Variants in RALGPS2 observed in about 807,000 individuals in gnomAD.
RALGPS2 encodes the protein Ral GEF with PH domain and SH3 binding motif 2, also known as ras-specific guanine nucleotide-releasing factor RalGPS2.
In RALGPS2, 43 loss-of-function variants were observed where a neutral mutation model predicts 86.8. That is an observed-to-expected ratio of 0.50 (90% confidence interval 0.39 to 0.64). The LOEUF (loss-of-function observed/expected upper bound fraction) is 0.64. Ranked by LOEUF, RALGPS2 falls within the 30% of genes least tolerant of loss-of-function variation. The pLI, the probability that RALGPS2 is intolerant of heterozygous loss-of-function variation, is 0.00. For missense variants in RALGPS2, 536 were observed against 694.6 expected, an observed-to-expected ratio of 0.77 and a Z score of 2.57; for synonymous variants, 243 against 231.3, an observed-to-expected ratio of 1.05 and a Z score of -0.46.
At chr1:178,908,984 T>C (rs1379368763) in intron 19 of RALGPS2, among the ~76,000 whole-genome samples, 1 of 152,214 alleles carries the variant, frequency 6.6e-6, no homozygotes, top group African/African-American at 2.4e-5. Context: ...TGCCAGGGCC[T>C]GTGTCCAGAA....
chr1:178,768,711 AGGTCCACCTACG>A (rs1652635123), intron 1 of RALGPS2, among the ~76,000 whole-genome samples: 1 of 152,206 alleles, frequency 6.6e-6, no homozygotes, highest in South Asian at 2.1e-4. Context: ...TGGACCAAGC[AGGTCCACCTACG>A]GGTCCCCCAG....
At chr1:178,763,374 T>C (rs1402475604) in intron 1 of RALGPS2, among the ~76,000 whole-genome samples, 1 of 152,236 alleles carries the variant, frequency 6.6e-6, no homozygotes, top group Non-Finnish European at 1.5e-5. Flanking sequence ...TTTCTAATCC[T>C]GTGAAGAATG....
At chr1:178,886,209 C>A in intron 13 of RALGPS2, 89 bp downstream of exon 13, 1 of 1,363,888 alleles carries the variant, frequency 7.3e-7, no homozygotes, top group Non-Finnish European at 1.0e-6. Context: ...CACCCACACA[C>A]AGAGAAAATT....
intron 8 of RALGPS2, chr1:178,853,309 G>A: frequency 1.3e-6 from 1 of 770,204 alleles, no homozygotes. Flanking sequence ...CATCTAAAGA[G>A]CCCAACATTT....
At chr1:178,847,166 C>T (rs918865624) in intron 8 of RALGPS2, among the ~76,000 whole-genome samples, 1 of 152,186 alleles carries the variant, frequency 6.6e-6, no homozygotes, top group African/African-American at 2.4e-5. Flanking sequence ...TAAAAAGTGG[C>T]CGGGCATGGT....
intron 8 of RALGPS2, chr1:178,853,031 T>TG: frequency 6.6e-7 from 1 of 1,510,254 alleles, no homozygotes. Flanking sequence ...GTGTTAAACA[T>TG]TCGATAGCAT....
intron 1 of RALGPS2, among the ~76,000 whole-genome samples, chr1:178,771,719 A>G (rs558441258): frequency 6.6e-6 from 1 of 152,330 alleles, no homozygotes; most frequent in Admixed American, 6.5e-5. Context: ...ACCTAGCGAT[A>G]ACCACATTTT....
chr1:178,776,421 C>A (rs1653087182), intron 1 of RALGPS2, among the ~76,000 whole-genome samples: 1 of 152,050 alleles, frequency 6.6e-6, no homozygotes, highest in Non-Finnish European at 1.5e-5. Context: ...CCTCGCAATA[C>A]CCACTTAGCG....
rs572534519 is a variant in RALGPS2, at chr1:178,780,030, G to A, written c.57+3209G>A. ...ATTATAGATGTGAGCCACTGCATCC[G>A]GCCAATGTGTTGTTAATTTTTGCCC... is the stretch of plus-strand genomic sequence containing the variant. On this transcript the variant is annotated intron_variant, in intron 2 of 19. Transcript: ENST00000367635. 3.3e-5 allele frequency among the ~76,000 whole-genome samples: 5 copies of A among 152,144 alleles called. No individual in the cohort carries two copies. In the South Asian group the frequency reaches 6.2e-4, roughly 19 times the overall value.
At position 178,897,766 on chromosome 1, in the gene RALGPS2, T is replaced by C; in HGVS notation, c.1524+10T>C. On this transcript the variant is annotated intron_variant, in intron 17 of 19. Transcript: ENST00000367635. Reference sequence around the variant, plus strand: ...TACCGAAAGAAAACATGTAAGTATTTGTTCTCTACATTTTTAGCGTGGTTT... The same window carrying C: ...TACCGAAAGAAAACATGTAAGTATTCGTTCTCTACATTTTTAGCGTGGTTT... 1.2e-6 allele frequency: 2 copies of C among 1,600,108 alleles called. No individual in the cohort carries two copies. Among genetic ancestry groups the C allele is most frequent in the East Asian group, 4.5e-5 (2 of 44,770 alleles).
chr1:178,755,954 TTA>T (rs1348923619), intron 1 of RALGPS2, among the ~76,000 whole-genome samples: 2 of 152,256 alleles, frequency 1.3e-5, no homozygotes, highest in Non-Finnish European at 1.5e-5. Context: ...TTGAACATTT[TTA>T]TATGTTTCTT....
Position 178,725,291 on chromosome 1 carries a change from G to A in RALGPS2, c.-212G>A. On this transcript the variant is annotated 5_prime_UTR_variant, in exon 1 of 20. Coordinates refer to ENST00000367635, the MANE Select transcript of RALGPS2 (RefSeq NM_152663.5). ...CGGCGGCGGCGGCGGCGGCTGCTGC[G>A]GGCGCTGAATGAGAGACGGTGACTG... 1.7e-5 allele frequency: 3 copies of A among 171,506 alleles called. No individual in the cohort carries two copies. The highest frequency in any genetic ancestry group is 3.6e-5 in the Non-Finnish European group (3 of 83,916). 10.6% of individuals were successfully genotyped at this position (171,506 alleles called of 1,614,324 possible). A position where few individuals can be genotyped will look rare whatever the true frequency, so the allele number is the denominator to read the frequency against.
At chr1:178,839,775 G>A (rs1484808604) in intron 8 of RALGPS2, among the ~76,000 whole-genome samples, 1 of 152,200 alleles carries the variant, frequency 6.6e-6, no homozygotes, top group African/African-American at 2.4e-5. Flanking sequence ...CATCTCATGT[G>A]CAGGGACACA....
intron 4 of RALGPS2, among the ~76,000 whole-genome samples, chr1:178,794,568 A>G (rs775091102): frequency 6.6e-6 from 1 of 152,144 alleles, no homozygotes; most frequent in Non-Finnish European, 1.5e-5. Context: ...TGTCTATTAT[A>G]AATTATCGGA....
chr1:178,742,101 A>C (rs1213826149), intron 1 of RALGPS2, among the ~76,000 whole-genome samples: 1 of 146,924 alleles, frequency 6.8e-6, no homozygotes, highest in Non-Finnish European at 1.5e-5. Context: ...GTGCCGCTGC[A>C]CTCCAGCCTG....
At chr1:178,915,503 G>A (rs1367766189) in intron 19 of RALGPS2, among the ~76,000 whole-genome samples, 2 of 152,184 alleles carry the variant, frequency 1.3e-5, no homozygotes, top group Non-Finnish European at 2.9e-5. Flanking sequence ...CCAAAGTGCT[G>A]GGATTATAGG....
rs141592660 is a variant in RALGPS2 at position 178,830,739 on chromosome 1, A to G, written c.481-2685A>G. 1.5e-3 allele frequency among the ~76,000 whole-genome samples: 223 copies of G among 152,284 alleles called. 1 individual carries two copies. The highest frequency in any genetic ancestry group is 5.1e-3 in the African/African-American group (212 of 41,566). ...AGAAAGCTCCAACAATGAAAAAAAT[A>G]ATAATAAATTTTGTCATGTTAGAGT... On this transcript the variant is annotated intron_variant, in intron 7 of 19. Coordinates refer to ENST00000367635, the MANE Select transcript of RALGPS2 (RefSeq NM_152663.5).
intron 8 of RALGPS2, among the ~76,000 whole-genome samples, chr1:178,870,020 T>G (rs1310704888): frequency 2.6e-5 from 4 of 152,152 alleles, no homozygotes; most frequent in Non-Finnish European, 5.9e-5. Context: ...TAATACCACT[T>G]ACATAATGCT....
chr1:178,828,987 T>C (rs1490003556), intron 7 of RALGPS2, among the ~76,000 whole-genome samples: 2 of 152,216 alleles, frequency 1.3e-5, no homozygotes, highest in Non-Finnish European at 2.9e-5. Flanking sequence ...CGTTGCAGCA[T>C]TATTCACAAT....
Sources: allele counts gnomAD v4.1 joint callset (sites outside exome capture counted in the v4.1 genomes callset), GRCh38; gene constraint gnomAD v4.1.1; transcripts MANE v1.5; gene names NCBI Gene and HGNC (gene_info 2026-07-23, HGNC 2026-07-21).